SULT6B1: variants seen among roughly 807,000 people sequenced by gnomAD.
The protein encoded by SULT6B1 is sulfotransferase family 6B member 1, also known as sulfotransferase 6B1.
SULT6B1 carries 44 observed loss-of-function variants against 37.2 expected under a neutral mutation model. The observed-to-expected ratio is 1.18, with a 90% CI of 0.93 to 1.52. The LOEUF (loss-of-function observed/expected upper bound fraction) is 1.52. Among genes scored for constraint, SULT6B1 ranks in the 40% most tolerant of loss-of-function variants. The pLI is 0.00. For missense variants in SULT6B1, 450 were observed against 361.0 expected (o/e 1.25, Z -2.00); for synonymous variants, 140 against 126.0 (o/e 1.11, Z -0.74).
chr2:37,171,601 A>G lies in SULT6B1; in HGVS notation c.625-11T>C, dbSNP rs758396941. On this transcript the variant is annotated splice_polypyrimidine_tract_variant and intron_variant, in intron 5 of 6. Transcript: ENST00000535679. ...TCCAGCAGCCAGATTCTGTAAAAAA[A>G]TTTTCTTAAAGATAAATTTCTTCCT... 2.8e-5 allele frequency: 45 copies of G among 1,608,306 alleles called. No homozygotes were observed. The highest frequency in any genetic ancestry group is 3.7e-5 in the Non-Finnish European group (43 of 1,177,954).
At position 37,183,521 on chromosome 2, in the gene SULT6B1, A is replaced by G; in HGVS notation, c.313-7T>C. ...ATGGAAAGCCTTTCATTCTCTTAAAAATATACACAAAAAGGTGAAAATGTG... is the reference window on the plus strand; with the variant it reads ...ATGGAAAGCCTTTCATTCTCTTAAAGATATACACAAAAAGGTGAAAATGTG... On this transcript the variant is annotated splice_region_variant and splice_polypyrimidine_tract_variant and intron_variant, in intron 2 of 6. Transcript: ENST00000535679. 1 of 1,609,406 alleles carries G rather than the reference A, an allele frequency of 6.2e-7. No individual in the cohort carries two copies. The highest frequency in any genetic ancestry group is 1.1e-5 in the South Asian group (1 of 90,998).
chr2:37,193,406 G>A (rs1420519553), upstream of SULT6B1, among the ~76,000 whole-genome samples: 1 of 151,898 alleles, frequency 6.6e-6, no homozygotes, highest in Non-Finnish European at 1.5e-5. Flanking sequence ...GGCTTGTAGT[G>A]AGCTGAGATC....
upstream of SULT6B1, among the ~76,000 whole-genome samples, chr2:37,193,642 G>GAAGAAGAAGAAGAAGAAGAAGAAGAAT (rs1553345882): frequency 2.7e-5 from 4 of 150,570 alleles, no homozygotes; most frequent in Non-Finnish European, 3.0e-5. Flanking sequence ...AGAAGAAGAA[G>GAAGAAGAAGAAGAAGAAGAAGAAGAAT]AAGAAGAAGG....
At chr2:37,183,809 A>G (rs1676610866) in intron 2 of SULT6B1, among the ~76,000 whole-genome samples, 1 of 151,960 alleles carries the variant, frequency 6.6e-6, no homozygotes, top group Non-Finnish European at 1.5e-5. Flanking sequence ...ATGCCCAGTT[A>G]ATTTTTGTAT....
intron 2 of SULT6B1, among the ~76,000 whole-genome samples, chr2:37,185,133 CTG>C (rs1312177050): frequency 6.6e-6 from 1 of 152,102 alleles, no homozygotes; most frequent in Non-Finnish European, 1.5e-5. Flanking sequence ...AAGTTATAGA[CTG>C]TGGTTTCCAT....
At chr2:37,195,054 A>G (rs1389811618) in intron 1 of SULT6B1, among the ~76,000 whole-genome samples, 3 of 151,086 alleles carry the variant, frequency 2.0e-5, no homozygotes, top group Admixed American at 6.6e-5. Context: ...GGTTCAAGCA[A>G]CTCTCCTGCC....
At position 37,193,873 on chromosome 2, in the gene SULT6B1, C is replaced by G. The variant is rs75045458; in HGVS notation, c.-22+2643G>C. On this transcript the variant is annotated intron_variant, in intron 1 of 7. Transcript: ENST00000407963. The stretch of plus-strand genomic sequence containing the variant: ...CATCCCTCTACCAGAGTTAGTAAAT[C>G]AGGCTAGGACCAGGAAGGCACTGTC... Among the ~76,000 whole-genome samples, 639 of 152,262 alleles carry G rather than the reference C, an allele frequency of 4.2e-3. 6 individuals carry two copies. Among genetic ancestry groups the G allele is most frequent in the African/African-American group, 0.015 (619 of 41,552 alleles).
chr2:37,175,010 A>G (rs1311203322), intron 5 of SULT6B1, 122 bp downstream of exon 5: 2 of 515,628 alleles, frequency 3.9e-6, no homozygotes, highest in Middle Eastern at 5.4e-4. Flanking sequence ...ACTGTACCAT[A>G]TATCTGGAAT....
upstream of SULT6B1, among the ~76,000 whole-genome samples, chr2:37,190,150 G>T (rs546434424): frequency 6.6e-6 from 1 of 152,286 alleles, no homozygotes; most frequent in South Asian, 2.1e-4. Flanking sequence ...TAGCAGTTTA[G>T]CCTATATCCT....
At chr2:37,182,253 ATTTTT>A (rs56665951) in intron 3 of SULT6B1, among the ~76,000 whole-genome samples, 3 of 137,400 alleles carry the variant, frequency 2.2e-5, no homozygotes, top group Non-Finnish European at 3.1e-5. Flanking sequence ...CAGAAGTTAA[ATTTTT>A]TTTTTTTTTT....
chr2:37,174,823 G>C (rs1434306169), intron 5 of SULT6B1, among the ~76,000 whole-genome samples: 5 of 151,962 alleles, frequency 3.3e-5, no homozygotes, highest in Non-Finnish European at 2.9e-5. Context: ...ACAACCAAGT[G>C]TATGTTCAAT....
chr2:37,194,966 T>C (rs991845136), intron 1 of SULT6B1, among the ~76,000 whole-genome samples: 1 of 140,362 alleles, frequency 7.1e-6, no homozygotes, highest in African/African-American at 2.7e-5. Flanking sequence ...CCTTCCATTT[T>C]TGAGACACAG....
intron 3 of SULT6B1, among the ~76,000 whole-genome samples, chr2:37,182,091 T>C (rs780793673): frequency 6.6e-6 from 1 of 152,140 alleles, no homozygotes; most frequent in Admixed American, 6.6e-5. Flanking sequence ...AAACCTCCAC[T>C]TCCCTAAGGT....
intron 6 of SULT6B1, among the ~76,000 whole-genome samples, chr2:37,168,308 C>T (rs1308186682): frequency 6.6e-6 from 1 of 152,094 alleles, no homozygotes; most frequent in Non-Finnish European, 1.5e-5. Context: ...ATTACCGGCG[C>T]CCGCCACCAC....
intron 6 of SULT6B1, among the ~76,000 whole-genome samples, chr2:37,169,227 T>C (rs570031150): frequency 7.9e-5 from 12 of 152,298 alleles, no homozygotes; most frequent in Non-Finnish European, 4.4e-5. Context: ...TGAAAGCTGA[T>C]TAAACAAGCC....
intron 4 of SULT6B1, among the ~76,000 whole-genome samples, chr2:37,178,220 T>A (rs772708868): frequency 1.9e-4 from 29 of 152,034 alleles, no homozygotes; most frequent in Non-Finnish European, 3.8e-4. Context: ...AATTTTGTAT[T>A]TTTATTTCTT....
intron 5 of SULT6B1, among the ~76,000 whole-genome samples, chr2:37,174,489 C>G (rs775368371): frequency 6.6e-6 from 1 of 152,128 alleles, no homozygotes; most frequent in African/African-American, 2.4e-5. Context: ...TGAACCACCA[C>G]ACCAGCCTAA....
At chr2:37,179,674 G>A (rs1048223922) in intron 3 of SULT6B1, 90 bp from the exon 4 acceptor site, 33 of 1,121,346 alleles carry the variant, frequency 2.9e-5, no homozygotes, top group South Asian at 1.3e-4. Context: ...ATGTCCACTC[G>A]TATATTACAT....
chr2:37,189,151 T>TA (rs1676733865), upstream of SULT6B1, among the ~76,000 whole-genome samples: 1 of 152,318 alleles, frequency 6.6e-6, no homozygotes, highest in South Asian at 2.1e-4. Context: ...GCTCAATAGA[T>TA]ACACAAGTCT....
Sources: allele counts gnomAD v4.1 joint callset (sites outside exome capture counted in the v4.1 genomes callset), GRCh38; gene constraint gnomAD v4.1.1; transcripts MANE v1.5; gene names NCBI Gene and HGNC (gene_info 2026-07-23, HGNC 2026-07-21).